Variants in SYN3 observed in about 807,000 individuals in gnomAD.
SYN3 encodes synapsin-3.
Under a neutral mutation model 65.8 loss-of-function variants are expected in SYN3, and 35 were observed. The observed-to-expected ratio is 0.53, with a 90% CI of 0.41 to 0.70. The LOEUF is 0.70. Among genes scored for constraint, SYN3 ranks in the 30% least tolerant of loss-of-function variants. SYN3 has a pLI of 0.00. For synonymous variants in SYN3, 270 were observed against 292.9 expected (o/e 0.92, Z 0.80); for missense variants, 680 against 749.0 (o/e 0.91, Z 1.08).
At chr22:33,047,310 A>G (rs977689329) in intron 1 of SYN3, among the ~76,000 whole-genome samples, 1 of 152,210 alleles carries the variant, frequency 6.6e-6, no homozygotes, top group Non-Finnish European at 1.5e-5. Context: ...TTAAAACTCC[A>G]TAATATTTGT....
chr22:32,751,610 T>C (rs1290679024), intron 6 of SYN3, among the ~76,000 whole-genome samples: 1 of 152,002 alleles, frequency 6.6e-6, no homozygotes, highest in African/African-American at 2.4e-5. Context: ...TGGCAGAGGG[T>C]GTTGACAGCA....
At chr22:32,758,705 T>TATA (rs1277216646) in intron 6 of SYN3, among the ~76,000 whole-genome samples, 70 of 109,570 alleles carry the variant, frequency 6.4e-4, no homozygotes, top group East Asian at 1.2e-3. Flanking sequence ...TATATATGTC[T>TATA]TATTAGTTCT....
chr22:32,648,975 A>G (rs187004049), intron 6 of SYN3, among the ~76,000 whole-genome samples: 2 of 152,326 alleles, frequency 1.3e-5, no homozygotes, highest in East Asian at 3.9e-4. Flanking sequence ...GAGTGTATGA[A>G]ATTAGGAAAC....
At chr22:32,687,716 G>A (rs1339925152) in intron 6 of SYN3, among the ~76,000 whole-genome samples, 2 of 145,074 alleles carry the variant, frequency 1.4e-5, no homozygotes, top group African/African-American at 2.6e-5. Context: ...TCAAGTCCTC[G>A]AACCTGCTGT....
chr22:32,742,148 C>T (rs1001010455), intron 6 of SYN3, among the ~76,000 whole-genome samples: 4 of 152,048 alleles, frequency 2.6e-5, no homozygotes, highest in Admixed American at 6.6e-5. Context: ...TGGTGGCGGG[C>T]GCCTGTAGTC....
intron 7 of SYN3, among the ~76,000 whole-genome samples, chr22:32,565,775 G>C (rs751365842): frequency 2.7e-4 from 41 of 151,218 alleles, no homozygotes; most frequent in Admixed American, 1.3e-3. Flanking sequence ...GCAGTGGCAC[G>C]ATCTCGGCTC....
intron 3 of SYN3, among the ~76,000 whole-genome samples, chr22:32,948,029 T>A (rs1214610638): frequency 6.6e-6 from 1 of 152,214 alleles, no homozygotes; most frequent in Non-Finnish European, 1.5e-5. Context: ...TGCTTAGGGC[T>A]GTATGTTTTC....
chr22:32,581,780 CTTTCTTTCTTTCTTTTT>C (rs2058947259), intron 7 of SYN3, among the ~76,000 whole-genome samples: 1 of 108,058 alleles, frequency 9.3e-6, no homozygotes, highest in East Asian at 3.7e-4. Flanking sequence ...CTTTTCTTTT[CTTTCTTTCTTTCTTTTT>C]TTTTTTTTTT....
chr22:32,713,609 T>C (rs1295764906), intron 6 of SYN3, among the ~76,000 whole-genome samples: 1 of 151,998 alleles, frequency 6.6e-6, no homozygotes, highest in Non-Finnish European at 1.5e-5. Flanking sequence ...GGCGGGCGGA[T>C]CACAAGGTCA....
At chr22:32,578,376 A>G (rs900061652) in intron 7 of SYN3, among the ~76,000 whole-genome samples, 10 of 151,976 alleles carry the variant, frequency 6.6e-5, no homozygotes, top group Admixed American at 3.9e-4. Context: ...CCTCCCAGGT[A>G]TCCAGGACAA....
chr22:32,689,575 T>C (rs1172993128), intron 6 of SYN3, among the ~76,000 whole-genome samples: 1 of 152,192 alleles, frequency 6.6e-6, no homozygotes, highest in Non-Finnish European at 1.5e-5. Flanking sequence ...TCTTACCTGC[T>C]TTCTTTGTTT....
At chr22:32,659,606 C>T (rs1237102442) in intron 6 of SYN3, among the ~76,000 whole-genome samples, 2 of 152,164 alleles carry the variant, frequency 1.3e-5, no homozygotes, top group Non-Finnish European at 2.9e-5. Context: ...GGTGGTGTTC[C>T]TTTTCACCCT....
At chr22:32,933,839 C>G (rs915913656) in intron 3 of SYN3, among the ~76,000 whole-genome samples, 1 of 152,042 alleles carries the variant, frequency 6.6e-6, no homozygotes, top group African/African-American at 2.4e-5. Flanking sequence ...TAAAAACAAC[C>G]CATTTAAAGA....
chr22:32,757,061 G>T (rs2045312403), intron 6 of SYN3, among the ~76,000 whole-genome samples: 1 of 150,774 alleles, frequency 6.6e-6, no homozygotes, highest in African/African-American at 2.4e-5. Flanking sequence ...TTTTTTTGAG[G>T]GGGGGTGGTT....
At chr22:32,671,226 G>A (rs994095380) in intron 6 of SYN3, among the ~76,000 whole-genome samples, 3 of 151,806 alleles carry the variant, frequency 2.0e-5, no homozygotes, top group Admixed American at 1.3e-4. Flanking sequence ...TACAAAACCC[G>A]CCCATTTTCA....
At chr22:32,916,426 C>T (rs1052389316) in intron 4 of SYN3, among the ~76,000 whole-genome samples, 8 of 152,192 alleles carry the variant, frequency 5.3e-5, no homozygotes, top group South Asian at 4.1e-4. Flanking sequence ...TAATTACTGT[C>T]GGTAAGTGGT....
chr22:32,717,125 G>T (rs929918085), intron 6 of SYN3, among the ~76,000 whole-genome samples: 11 of 152,116 alleles, frequency 7.2e-5, no homozygotes, highest in Admixed American at 7.2e-4. Flanking sequence ...GTAACTATCT[G>T]CCCTTTACAC....
chr22:32,641,182 C>T (rs1188166809), intron 6 of SYN3, among the ~76,000 whole-genome samples: 1 of 152,192 alleles, frequency 6.6e-6, no homozygotes, highest in Non-Finnish European at 1.5e-5. Flanking sequence ...GGCAGTCAGG[C>T]AGGGCTGGCC....
At position 32,586,048 on chromosome 22, in the gene SYN3, A is replaced by ACG. The variant is rs2059031134; in HGVS notation, c.774+10625_774+10626insCG. ...TATGTATGTATATATGTATATGTAT[A>ACG]TATGTGTATATGTATATATGTATAC... On this transcript the variant is annotated intron_variant, in intron 7 of 13. Coordinates refer to ENST00000358763, the MANE Select transcript of SYN3 (RefSeq NM_003490.4). Among the ~76,000 whole-genome samples, 7 of 143,104 alleles carry ACG rather than the reference A, an allele frequency of 4.9e-5. No homozygotes were observed. In the Admixed American group the frequency reaches 5.1e-4, roughly 10 times the overall value. 93.9% of individuals were successfully genotyped at this position (143,104 alleles called of 152,430 possible). A position where few individuals can be genotyped will look rare whatever the true frequency, so the allele number is the denominator to read the frequency against.
Sources: gnomAD v4.1 joint callset for allele counts (sites outside exome capture counted in the v4.1 genomes callset) on GRCh38, gnomAD v4.1.1 for gene constraint, MANE v1.5 for transcripts, NCBI Gene and HGNC (gene_info 2026-07-23, HGNC 2026-07-21) for gene names.